The following IQGAP1 variants were observed in gnomAD, a reference collection of about 807,000 sequenced individuals.
IQGAP1 encodes the protein ras GTPase-activating-like protein IQGAP1.
Under a neutral mutation model 215.6 loss-of-function variants are expected in IQGAP1, and 66 were observed. That is an observed-to-expected ratio of 0.31 (90% confidence interval 0.25 to 0.38). IQGAP1 has a LOEUF of 0.38. Ranked by LOEUF, IQGAP1 falls within the 10% of genes least tolerant of loss-of-function variation. The pLI, the probability that IQGAP1 is intolerant of heterozygous loss-of-function variation, is 1.00. For missense variants in IQGAP1, 1,712 were observed against 1,997.1 expected (o/e 0.86, Z 2.72); for synonymous variants, 772 against 728.7 (o/e 1.06, Z -0.96).
intron 35 of IQGAP1, 113 bp from the exon 36 acceptor site, chr15:90,494,600 A>T: frequency 2.4e-6 from 2 of 816,522 alleles, no homozygotes; most frequent in East Asian, 2.7e-5. Context: ...TTGGTATGTT[A>T]CTTATGCTTA....
intron 26 of IQGAP1, among the ~76,000 whole-genome samples, chr15:90,480,663 A>G (rs992406898): frequency 6.6e-6 from 1 of 151,856 alleles, no homozygotes; most frequent in African/African-American, 2.4e-5. Context: ...ATCTACTTGT[A>G]TTTTTCTTTT....
intron 2 of IQGAP1, chr15:90,391,184 G>A (rs1259651970): frequency 2.0e-5 from 5 of 246,858 alleles, no homozygotes; most frequent in Non-Finnish European, 3.3e-5. Context: ...GCAGCAGTGA[G>A]CCGTGCTCTC....
intron 29 of IQGAP1, 51 bp from the exon 30 acceptor site, chr15:90,484,169 A>C: frequency 6.3e-7 from 1 of 1,577,562 alleles, no homozygotes; most frequent in Non-Finnish European, 8.6e-7. Flanking sequence ...CCTCTTGCCA[A>C]CTTCATGTGT....
chr15:90,447,311 A>G (rs1334031422), intron 9 of IQGAP1, among the ~76,000 whole-genome samples: 2 of 152,324 alleles, frequency 1.3e-5, no homozygotes, highest in South Asian at 4.1e-4. Context: ...CCTCACATCC[A>G]TACCAATGTT....
intron 23 of IQGAP1, chr15:90,475,720 T>A (rs1015899413): frequency 7.5e-6 from 1 of 133,854 alleles, no homozygotes; most frequent in Admixed American, 8.5e-5. Flanking sequence ...ATGACTGCAC[T>A]CCGGACTGGG....
intron 11 of IQGAP1, among the ~76,000 whole-genome samples, chr15:90,450,087 A>G (rs1404020799): frequency 6.6e-6 from 1 of 152,084 alleles, no homozygotes; most frequent in Non-Finnish European, 1.5e-5. Context: ...CACTAGACCT[A>G]TTCCTTGTAT....
intron 37 of IQGAP1, among the ~76,000 whole-genome samples, chr15:90,499,081 G>A (rs1003047880): frequency 6.6e-6 from 1 of 152,216 alleles, no homozygotes; most frequent in Non-Finnish European, 1.5e-5. Flanking sequence ...CTCCCAAAGT[G>A]CTGGGATGAC....
intron 15 of IQGAP1, among the ~76,000 whole-genome samples, chr15:90,462,344 C>T (rs1358775521): frequency 2.6e-5 from 4 of 152,174 alleles, no homozygotes; most frequent in Non-Finnish European, 5.9e-5. Flanking sequence ...TGTCCCAACC[C>T]TCCCATATCT....
At chr15:90,421,169 A>C (rs1271117296) in intron 2 of IQGAP1, among the ~76,000 whole-genome samples, 1 of 150,892 alleles carries the variant, frequency 6.6e-6, no homozygotes, top group African/African-American at 2.4e-5. Flanking sequence ...AGTCTTCATA[A>C]AGCTAAATTT....
chr15:90,463,906 C>T (rs1965795560), intron 15 of IQGAP1, among the ~76,000 whole-genome samples: 1 of 152,182 alleles, frequency 6.6e-6, no homozygotes, highest in Admixed American at 6.5e-5. Context: ...GTGGCTGCTT[C>T]ACTATATGGA....
Position 90,388,331 on chromosome 15 carries a change from G to C in IQGAP1, c.-11G>C. 2 of 1,596,054 alleles carry C rather than the reference G, an allele frequency of 1.3e-6. No individual in the cohort carries two copies. The highest frequency in any genetic ancestry group is 2.8e-5 in the African/African-American group (2 of 72,362). ...CACGGCTTCCTCAGCAGAGACTCGG[G>C]CTCGTCCGCCATGTCCGCCGCAGAC... On this transcript the variant is annotated 5_prime_UTR_variant, in exon 1 of 38. Transcript: ENST00000268182.
intron 2 of IQGAP1, among the ~76,000 whole-genome samples, chr15:90,415,573 G>A (rs1198880912): frequency 6.6e-6 from 1 of 151,866 alleles, no homozygotes; most frequent in Non-Finnish European, 1.5e-5. Context: ...GTTGTGAACC[G>A]TGAGGTCTGG....
chr15:90,486,394 A>T (rs530484993), intron 31 of IQGAP1: 126 of 235,250 alleles, frequency 5.4e-4, no homozygotes, highest in Non-Finnish European at 8.5e-4. Context: ...GTGTTTTTTT[A>T]AAAAAATTGC....
At chr15:90,478,326 AGTT>A (rs1292543730) in intron 26 of IQGAP1, among the ~76,000 whole-genome samples, 1 of 152,136 alleles carries the variant, frequency 6.6e-6, no homozygotes, top group Non-Finnish European at 1.5e-5. Flanking sequence ...GTGCTTTCTA[AGTT>A]GTTGACCTAG....
chr15:90,471,629 A>G (rs1386212754), intron 18 of IQGAP1, among the ~76,000 whole-genome samples: 1 of 151,660 alleles, frequency 6.6e-6, no homozygotes, highest in African/African-American at 2.4e-5. Flanking sequence ...CCTCCCCAGT[A>G]GCTGGGATTA....
At position 90,449,631 on chromosome 15, in the gene IQGAP1, C is replaced by A; in HGVS notation, c.1150C>A (p.Gln384Lys). 2 of 1,611,164 alleles carry A rather than the reference C, an allele frequency of 1.2e-6. No individual in the cohort carries two copies. The highest frequency in any genetic ancestry group is 1.7e-6 in the Non-Finnish European group (2 of 1,178,606). ...GVDAANSAAQ[Q>K]YQRRLAAVAL... ...GGATGCTGCAAACAGTGCTGCCCAG[C>A]AATATCAGAGAAGTAAGAGTCCATT... Residue 384 changes from glutamine to lysine, a missense_variant, in exon 11 of 38, where the codon CAA becomes AAA. Gln to Lys is a moderately conservative substitution (Grantham distance 53). Transcript: ENST00000268182.
intron 15 of IQGAP1, among the ~76,000 whole-genome samples, chr15:90,464,591 CTGTAA>C (rs905490075): frequency 2.6e-5 from 4 of 152,154 alleles, no homozygotes; most frequent in Admixed American, 1.3e-4. Flanking sequence ...TGGCTCACAC[CTGTAA>C]TCCCAGCACT....
chr15:90,407,217 T>C (rs1964892239), intron 2 of IQGAP1, among the ~76,000 whole-genome samples: 1 of 152,196 alleles, frequency 6.6e-6, no homozygotes, highest in Non-Finnish European at 1.5e-5. Context: ...GCGTGTTCGA[T>C]GAGTATGACC....
In IQGAP1 at chr15:90,452,917, C is replaced by T. The variant is rs1375054950; in HGVS notation, c.1305C>T (p.Thr435=). ...AADLYQKELA[T]LQRQSPEHNL... Reference sequence around the variant, plus strand: ...ATCTCTATCAGAAGGAGCTGGCTACCCTGCAGCGACAAAGTCCTGAAGTGA... The same window carrying T: ...ATCTCTATCAGAAGGAGCTGGCTACTCTGCAGCGACAAAGTCCTGAAGTGA... The change falls in exon 12 of 38, where the codon ACC becomes ACT. Residue 435 remains threonine, a synonymous_variant. Transcript: ENST00000268182. 3.1e-6 allele frequency: 5 copies of T among 1,613,840 alleles called. No individual in the cohort carries two copies. The Admixed American group carries it at 6.7e-5, about 22-fold the overall frequency.
Sources: gnomAD v4.1 joint callset for allele counts (sites outside exome capture counted in the v4.1 genomes callset) on GRCh38, gnomAD v4.1.1 for gene constraint, MANE v1.5 for transcripts, NCBI Gene and HGNC (gene_info 2026-07-23, HGNC 2026-07-21) for gene names.